THADA: variants seen among roughly 807,000 people sequenced by gnomAD.
THADA encodes THADA armadillo repeat containing, also known as tRNA (32-2'-O)-methyltransferase regulator THADA.
THADA carries 213 observed loss-of-function variants against 219.8 expected under a neutral mutation model. The ratio of observed to expected loss-of-function variants is 0.97; its 90% CI spans 0.87 to 1.09. The LOEUF (loss-of-function observed/expected upper bound fraction) is 1.09. Ranked by LOEUF, THADA falls within the 50% of genes least tolerant of loss-of-function variation. THADA has a pLI of 0.00. For missense variants in THADA, 2,956 were observed against 2,311.3 expected (o/e 1.28, Z -5.72); for synonymous variants, 1,018 against 828.9 (o/e 1.23, Z -3.92).
chr2:43,326,044 A>G (rs1679283689), intron 30 of THADA, among the ~76,000 whole-genome samples: 1 of 152,058 alleles, frequency 6.6e-6, no homozygotes, highest in Non-Finnish European at 1.5e-5. Context: ...GGCAATTTAT[A>G]TCTTACGCAG....
intron 24 of THADA, among the ~76,000 whole-genome samples, chr2:43,505,208 C>T (rs6544667): frequency 0.38 from 57,930 of 151,786 alleles, 11,985 homozygotes; most frequent in African/African-American, 0.51. Context: ...ATAGATGCAA[C>T]AGTATTATAA....
intron 25 of THADA, among the ~76,000 whole-genome samples, chr2:43,488,471 T>A (rs749529167): frequency 1.3e-5 from 2 of 152,232 alleles, no homozygotes; most frequent in Non-Finnish European, 2.9e-5. Flanking sequence ...CCTAGCATAA[T>A]GTTCTCAAGG....
chr2:43,484,302 A>C (rs2105009628), intron 26 of THADA: 1 of 168,298 alleles, frequency 5.9e-6, no homozygotes, highest in African/African-American at 2.4e-5. Flanking sequence ...TTAATTCCTA[A>C]GATTTAGTTC....
intron 30 of THADA, among the ~76,000 whole-genome samples, chr2:43,327,763 C>G (rs1220022486): frequency 2.0e-5 from 3 of 152,008 alleles, no homozygotes; most frequent in Non-Finnish European, 2.9e-5. Context: ...AACAACAAAC[C>G]CCCCTAAAAA....
chr2:43,506,556 T>C (rs145805672), intron 23 of THADA, among the ~76,000 whole-genome samples: 1,700 of 152,298 alleles, frequency 0.011, 36 homozygotes, highest in African/African-American at 0.039. Flanking sequence ...AGATTAGTGA[T>C]TGCCTAGGGC....
At position 43,302,134 on chromosome 2, in the gene THADA, C is replaced by G. The variant is rs576958748; in HGVS notation, c.4439-8921G>C. ...CCTCCCACATCTGCCTCCTGAGTAC[C>G]TGGGACTATAGGTGCATGCCACCAC... On this transcript the variant is annotated intron_variant, in intron 31 of 37. Transcript: ENST00000405975. 5.3e-5 allele frequency among the ~76,000 whole-genome samples: 8 copies of G among 152,172 alleles called. No individual in the cohort carries two copies. The South Asian group carries it at 8.3e-4, about 16-fold the overall frequency.
intron 36 of THADA, among the ~76,000 whole-genome samples, chr2:43,273,924 C>T (rs1229433498): frequency 6.6e-6 from 1 of 151,888 alleles, no homozygotes; most frequent in Non-Finnish European, 1.5e-5. Context: ...TTGTTTTTTT[C>T]CTTCTTTGCC....
At chr2:43,303,758 TAGAG>T (rs1480637356) in intron 31 of THADA, among the ~76,000 whole-genome samples, 1 of 146,238 alleles carries the variant, frequency 6.8e-6, no homozygotes, top group Non-Finnish European at 1.5e-5. Context: ...GAATAATAAT[TAGAG>T]AGGGCAGTTT....
intron 32 of THADA, 99 bp from the exon 33 acceptor site, chr2:43,292,321 C>T (rs1307750503): frequency 5.2e-6 from 4 of 776,234 alleles, no homozygotes; most frequent in African/African-American, 1.8e-5. Context: ...AAGAGGTCTA[C>T]CTTTCAAAAG....
At chr2:43,523,830 T>G (rs1463332319) in intron 22 of THADA, among the ~76,000 whole-genome samples, 3 of 152,188 alleles carry the variant, frequency 2.0e-5, no homozygotes, top group African/African-American at 7.2e-5. Flanking sequence ...TAAGACAACA[T>G]CAAGCACTAA....
intron 22 of THADA, among the ~76,000 whole-genome samples, chr2:43,514,800 T>C (rs1400405084): frequency 3.2e-5 from 3 of 93,202 alleles, no homozygotes; most frequent in Non-Finnish European, 5.5e-5. Flanking sequence ...ATATGTACAA[T>C]ATATATTTTA....
intron 31 of THADA, among the ~76,000 whole-genome samples, chr2:43,302,735 T>C (rs1292687743): frequency 6.6e-6 from 1 of 150,698 alleles, no homozygotes; most frequent in Non-Finnish European, 1.5e-5. Context: ...TCATAAAAGA[T>C]AATTTAAAGA....
chr2:43,253,398 A>G (rs1196441012), intron 36 of THADA, among the ~76,000 whole-genome samples: 1 of 152,152 alleles, frequency 6.6e-6, no homozygotes, highest in Non-Finnish European at 1.5e-5. Flanking sequence ...CCTACCTCCT[A>G]CTTACTTCTA....
intron 36 of THADA, among the ~76,000 whole-genome samples, chr2:43,266,433 C>CA (rs1162087391): frequency 3.9e-5 from 6 of 151,918 alleles, no homozygotes; most frequent in South Asian, 2.1e-4. Flanking sequence ...CTGCTAAAAA[C>CA]AAAAAAACAA....
chr2:43,425,807 T>G (rs1678357312), intron 28 of THADA, among the ~76,000 whole-genome samples: 1 of 152,134 alleles, frequency 6.6e-6, no homozygotes, highest in Non-Finnish European at 1.5e-5. Flanking sequence ...TCACCCTCAT[T>G]TGCAAGTTGA....
chr2:43,295,628 A>G (rs1262003769), intron 31 of THADA, among the ~76,000 whole-genome samples: 1 of 152,222 alleles, frequency 6.6e-6, no homozygotes, highest in Non-Finnish European at 1.5e-5. Flanking sequence ...CTAATAAAAC[A>G]CCGTTTATAT....
intron 7 of THADA, among the ~76,000 whole-genome samples, chr2:43,584,373 C>G (rs899017433): frequency 2.6e-5 from 4 of 151,838 alleles, no homozygotes; most frequent in African/African-American, 9.7e-5. Flanking sequence ...GTGGCTGACA[C>G]CAAAGTGGAC....
chr2:43,454,383 TTGAGTCCA>T (rs1470618330), intron 26 of THADA, among the ~76,000 whole-genome samples: 1 of 152,074 alleles, frequency 6.6e-6, no homozygotes, highest in Non-Finnish European at 1.5e-5. Flanking sequence ...GGAGAATTGC[TTGAGTCCA>T]AGAGTTCAAG....
chr2:43,279,953 A>C, intron 35 of THADA, 57 bp from the exon 36 acceptor site: 1 of 1,430,260 alleles, frequency 7.0e-7, no homozygotes, highest in Non-Finnish European at 9.2e-7. Context: ...GGCAGGTGCA[A>C]ATACTGCTTC....
Sources: gnomAD v4.1 joint callset for allele counts (sites outside exome capture counted in the v4.1 genomes callset) on GRCh38, gnomAD v4.1.1 for gene constraint, MANE v1.5 for transcripts, NCBI Gene and HGNC (gene_info 2026-07-23, HGNC 2026-07-21) for gene names.